The following KLHL29 variants were observed in gnomAD, a reference collection of about 807,000 sequenced individuals.
KLHL29 encodes kelch-like protein 29.
In KLHL29, 21 loss-of-function variants were observed where a neutral mutation model predicts 80.4. The ratio of observed to expected loss-of-function variants is 0.26; its 90% CI spans 0.19 to 0.38. The LOEUF is 0.38. KLHL29 is among the 10% of genes least tolerant of loss of function. The pLI is 1.00. For synonymous variants in KLHL29, 511 were observed against 526.8 expected (o/e 0.97, Z 0.41); for missense variants, 867 against 1,223.9 (o/e 0.71, Z 4.35).
At chr2:23,635,451 G>C (rs1448899323) in intron 3 of KLHL29, among the ~76,000 whole-genome samples, 1 of 152,212 alleles carries the variant, frequency 6.6e-6, no homozygotes, top group Non-Finnish European at 1.5e-5. Flanking sequence ...GCTGCAGGGT[G>C]GAGGCCCCCA....
chr2:23,508,748 C>A (rs938278921), intron 2 of KLHL29, among the ~76,000 whole-genome samples: 1 of 152,256 alleles, frequency 6.6e-6, no homozygotes, highest in Non-Finnish European at 1.5e-5. Context: ...ACACTGGGTT[C>A]CCACAACCTG....
At chr2:23,561,679 C>A (rs999639661) in intron 2 of KLHL29, among the ~76,000 whole-genome samples, 2 of 152,166 alleles carry the variant, frequency 1.3e-5, no homozygotes, top group Admixed American at 6.5e-5. Context: ...TCACAGGCTA[C>A]TGTAGGAGGA....
intron 2 of KLHL29, among the ~76,000 whole-genome samples, chr2:23,501,104 A>G (rs1665422951): frequency 6.6e-6 from 1 of 152,060 alleles, no homozygotes; most frequent in Non-Finnish European, 1.5e-5. Flanking sequence ...GAACTGGGTC[A>G]TCTCAGGGAT....
Position 23,475,993 on chromosome 2 carries a change from C to T in KLHL29, c.-46+326C>T, listed in dbSNP as rs962349581. On this transcript the variant is annotated intron_variant, in intron 2 of 13. Coordinates refer to ENST00000486442, the MANE Select transcript of KLHL29 (RefSeq NM_052920.2). ...CTCTGGGTTCAAGCGATCCTTCCAC[C>T]TCAGCCTCCCAAGTAGCTGGGACTA... Among the ~76,000 whole-genome samples, 5 of 152,216 alleles carry T rather than the reference C, an allele frequency of 3.3e-5. No individual in the cohort carries two copies. In the East Asian group the frequency reaches 7.7e-4, roughly 23 times the overall value.
intron 1 of KLHL29, among the ~76,000 whole-genome samples, chr2:23,452,760 C>T (rs546866108): frequency 6.6e-6 from 1 of 152,210 alleles, no homozygotes; most frequent in South Asian, 2.1e-4. Flanking sequence ...TTAGAAAGGC[C>T]ACCAGATAAA....
At chr2:23,675,758 C>T (rs867263441) in intron 5 of KLHL29, among the ~76,000 whole-genome samples, 1 of 152,188 alleles carries the variant, frequency 6.6e-6, no homozygotes, top group Non-Finnish European at 1.5e-5. Context: ...AGATTGCATA[C>T]GAAGCGCAGG....
intron 5 of KLHL29, among the ~76,000 whole-genome samples, chr2:23,673,157 A>G (rs1670815449): frequency 6.6e-6 from 1 of 152,058 alleles, no homozygotes; most frequent in African/African-American, 2.4e-5. Flanking sequence ...TCACACACAC[A>G]TACACAAGGG....
chr2:23,468,787 G>A (rs370721371), intron 1 of KLHL29, among the ~76,000 whole-genome samples: 10 of 152,220 alleles, frequency 6.6e-5, no homozygotes, highest in Admixed American at 2.6e-4. Context: ...TTCCAGGGCT[G>A]ATCACCAGGC....
chr2:23,626,148 C>T (rs2149146076), intron 3 of KLHL29, among the ~76,000 whole-genome samples: 1 of 152,300 alleles, frequency 6.6e-6, no homozygotes, highest in East Asian at 1.9e-4. Flanking sequence ...GATCATCAGA[C>T]ATTAGATTCT....
chr2:23,654,250 G>A (rs570874061), intron 5 of KLHL29, among the ~76,000 whole-genome samples: 33 of 152,112 alleles, frequency 2.2e-4, no homozygotes, highest in African/African-American at 7.2e-4. Context: ...TTTCTCCAGT[G>A]GAGTCCAGAG....
intron 3 of KLHL29, among the ~76,000 whole-genome samples, chr2:23,583,819 A>T (rs1298007860): frequency 6.6e-6 from 1 of 152,212 alleles, no homozygotes; most frequent in Non-Finnish European, 1.5e-5. Context: ...AAAAGCTCCA[A>T]GCCCCAACCA....
At chr2:23,495,748 G>A (rs1487836232) in intron 2 of KLHL29, among the ~76,000 whole-genome samples, 2 of 152,198 alleles carry the variant, frequency 1.3e-5, no homozygotes, top group Non-Finnish European at 2.9e-5. Context: ...AACAGGCTCC[G>A]GCTCATGGCT....
At chr2:23,613,576 C>T (rs1221381259) in intron 3 of KLHL29, among the ~76,000 whole-genome samples, 1 of 151,950 alleles carries the variant, frequency 6.6e-6, no homozygotes, top group East Asian at 1.9e-4. Context: ...CCAGCCTGGC[C>T]AACATGGTGA....
intron 2 of KLHL29, among the ~76,000 whole-genome samples, chr2:23,546,261 G>T (rs1304667673): frequency 6.6e-6 from 1 of 152,206 alleles, no homozygotes; most frequent in Non-Finnish European, 1.5e-5. Context: ...TGGCAGGGGT[G>T]GCCAATGCAG....
chr2:23,427,013 T>C (rs892128720), intron 1 of KLHL29, among the ~76,000 whole-genome samples: 1 of 152,168 alleles, frequency 6.6e-6, no homozygotes, highest in Non-Finnish European at 1.5e-5. Flanking sequence ...TTTGAGCCAT[T>C]AAACGATTTG....
intron 11 of KLHL29, among the ~76,000 whole-genome samples, chr2:23,699,477 T>C (rs1161582220): frequency 1.3e-5 from 2 of 152,196 alleles, no homozygotes; most frequent in African/African-American, 4.8e-5. Context: ...TGAGGACCGA[T>C]ATTCCAGCTT....
chr2:23,401,272 G>A (rs1238075041), intron 1 of KLHL29, among the ~76,000 whole-genome samples: 2 of 152,128 alleles, frequency 1.3e-5, no homozygotes, highest in Non-Finnish European at 2.9e-5. Flanking sequence ...AGAATTTGGG[G>A]GCCCTCCAAG....
At chr2:23,481,336 T>G (rs1439889231) in intron 2 of KLHL29, among the ~76,000 whole-genome samples, 2 of 152,256 alleles carry the variant, frequency 1.3e-5, no homozygotes, top group Non-Finnish European at 2.9e-5. Flanking sequence ...CCTACACTTG[T>G]GATTCTCTCT....
intron 3 of KLHL29, among the ~76,000 whole-genome samples, chr2:23,577,475 G>A (rs1284213106): frequency 2.0e-5 from 3 of 150,810 alleles, no homozygotes; most frequent in South Asian, 4.2e-4. Flanking sequence ...GGCCATGCGC[G>A]GTGGCTCACA....
Sources: allele counts gnomAD v4.1 joint callset (sites outside exome capture counted in the v4.1 genomes callset), GRCh38; gene constraint gnomAD v4.1.1; transcripts MANE v1.5; gene names NCBI Gene and HGNC (gene_info 2026-07-23, HGNC 2026-07-21).